Variants in MED26 observed in about 807,000 individuals in gnomAD.
MED26 encodes mediator complex subunit 26.
In MED26, 7 loss-of-function variants were observed where a neutral mutation model predicts 43.7. The observed-to-expected ratio is 0.16, with a 90% CI of 0.09 to 0.30. The LOEUF (loss-of-function observed/expected upper bound fraction) is 0.30. Ranked by LOEUF, MED26 falls within the 10% of genes least tolerant of loss-of-function variation. The pLI, the probability that MED26 is intolerant of heterozygous loss-of-function variation, is 1.00. For synonymous variants in MED26, 375 were observed against 371.1 expected (o/e 1.01, Z -0.12); for missense variants, 784 against 840.6 (o/e 0.93, Z 0.83).
intron 1 of MED26, among the ~76,000 whole-genome samples, chr19:16,598,272 G>A (rs1417808483): frequency 6.7e-6 from 1 of 149,354 alleles, no homozygotes; most frequent in Non-Finnish European, 1.5e-5. Flanking sequence ...GGGAGGCGCA[G>A]GCTGCAGTGA....
chr19:16,623,582 T>C (rs546237030), intron 1 of MED26, among the ~76,000 whole-genome samples: 1 of 152,278 alleles, frequency 6.6e-6, no homozygotes, highest in South Asian at 2.1e-4. Flanking sequence ...ACAGAGACCT[T>C]AAGATGTTCA....
At position 16,628,003 on chromosome 19, in the gene MED26, A is replaced by C. The variant is rs947657259; in HGVS notation, c.-60T>G. The C allele has an allele frequency of 9.0e-7, 1 of 1,114,140 alleles. No homozygotes were observed. Among genetic ancestry groups the C allele is most frequent in the South Asian group, 1.9e-5 (1 of 52,412 alleles). 69.0% of individuals were successfully genotyped at this position (1,114,140 alleles called of 1,614,324 possible). ...GCGGGCGGGCGGGCTGAGGCGGGGG[A>C]CGGGGGTCACTCACTCGCCGGCCTC... is the stretch of plus-strand genomic sequence containing the variant. On this transcript the variant is annotated 5_prime_UTR_variant, in exon 1 of 3. Transcript: ENST00000263390.
At chr19:16,624,760 C>A (rs2086266652) in intron 1 of MED26, 1 of 152,210 alleles carries the variant, frequency 6.6e-6, no homozygotes, top group African/African-American at 2.4e-5. Flanking sequence ...GTCACAAAGG[C>A]TTCTTGGTAA....
chr19:16,603,773 G>C (rs1030609694), intron 1 of MED26, among the ~76,000 whole-genome samples: 1 of 152,194 alleles, frequency 6.6e-6, no homozygotes, highest in Non-Finnish European at 1.5e-5. Flanking sequence ...AGGGGAGCTA[G>C]GGCATTAGGG....
At chr19:16,613,601 C>T (rs959415141) in intron 1 of MED26, among the ~76,000 whole-genome samples, 7 of 152,250 alleles carry the variant, frequency 4.6e-5, no homozygotes, top group South Asian at 4.2e-4. Context: ...GTGTTATCTC[C>T]GGATGAAAGC....
intron 1 of MED26, among the ~76,000 whole-genome samples, chr19:16,581,790 T>G (rs2122385283): frequency 6.6e-6 from 1 of 152,316 alleles, no homozygotes; most frequent in Admixed American, 6.5e-5. Flanking sequence ...CCTTGGCCCC[T>G]CCCCTGCCTT....
In MED26 at chr19:16,576,174, G is replaced by A. The variant is rs547090149; in HGVS notation, c.1656C>T (p.Leu552=). ...GCCACTGGCTGGCCTGGATTCTGTC[G>A]AGATCGTCCTGTGTGACCTCCCGGG... The part of the protein sequence containing the change: ...GLTREVTQDD[L]DRIQASQWPG... Residue 552 remains leucine (L), a synonymous_variant, in exon 3 of 3, where the codon CTC becomes CTT. Coordinates refer to ENST00000263390, the MANE Select transcript of MED26 (RefSeq NM_004831.5). This position sits in a 1 kb window ranked among gnomAD's most constrained non-coding sequence, Gnocchi z 6.8. 12 of 1,613,268 alleles carry A rather than the reference G, an allele frequency of 7.4e-6. No homozygotes were observed. Among genetic ancestry groups the A allele is most frequent in the Middle Eastern group, 1.6e-4 (1 of 6,084 alleles).
Position 16,587,130 on chromosome 19 carries a change from A to C in MED26, c.73-8721T>G, listed in dbSNP as rs2086074843. ...CCTCGCCCACCCCCCAACCCCCAAC[A>C]CACAGTCGTGTCTGCTGAGGACACA... On this transcript the variant is annotated intron_variant, in intron 1 of 2. Transcript: ENST00000263390. The surrounding 1 kb of genome is among the most constrained non-coding windows in gnomAD (Gnocchi z 4.9). 6.7e-6 allele frequency: 1 copy of C among 149,584 alleles called. No homozygotes were observed. The allele number at this position is 149,584 out of a possible 1,614,324, so 9.3% of individuals were successfully genotyped here. A position where few individuals can be genotyped will look rare whatever the true frequency, so the allele number is the denominator to read the frequency against.
At position 16,576,144 on chromosome 19, in the gene MED26, C is replaced by T. The variant is rs1568277932; in HGVS notation, c.1686G>A (p.Gly562=). ...CCTGTGTGTCCTGACACCCGTTCAC[C>T]CCCGGCCACTGGCTGGCCTGGATTC... ...LDRIQASQWP[G]VNGCQDTQGN... Residue 562 remains glycine (G), a synonymous_variant, in exon 3 of 3, where the codon GGG becomes GGA. Coordinates refer to ENST00000263390, the MANE Select transcript of MED26 (RefSeq NM_004831.5). The surrounding 1 kb of genome is among the most constrained non-coding windows in gnomAD (Gnocchi z 6.8). The T allele has an allele frequency of 3.7e-6, 6 of 1,613,938 alleles. No individual in the cohort carries two copies. The highest frequency in any genetic ancestry group is 5.1e-6 in the Non-Finnish European group (6 of 1,180,018).
At chr19:16,606,440 T>A (rs2086173603) in intron 1 of MED26, among the ~76,000 whole-genome samples, 2 of 152,038 alleles carry the variant, frequency 1.3e-5, no homozygotes. Context: ...TAATCCCAGC[T>A]ACTCAAGAGG....
intron 1 of MED26, among the ~76,000 whole-genome samples, chr19:16,622,324 C>T (rs1011524338): frequency 6.6e-6 from 1 of 152,198 alleles, no homozygotes; most frequent in Non-Finnish European, 1.5e-5. Flanking sequence ...CCCTATGAGG[C>T]GCCAAGCCCC....
At position 16,628,187 on chromosome 19, in the gene MED26, C is replaced by G. The variant is rs996819257; in HGVS notation, c.-244G>C. ...CCGCCGCCGCTCGCTGCCGCCGCCT[C>G]GAGAACCAAACTCCAGTGAGCTGCC... On this transcript the variant is annotated 5_prime_UTR_variant, in exon 1 of 3. Coordinates refer to ENST00000263390, the MANE Select transcript of MED26 (RefSeq NM_004831.5). 6.3e-5 allele frequency: 22 copies of G among 350,666 alleles called. No homozygotes were observed. Among genetic ancestry groups the G allele is most frequent in the African/African-American group, 8.6e-5 (4 of 46,384 alleles). The allele number at this position is 350,666 out of a possible 1,614,324, so 21.7% of individuals were successfully genotyped here.
chr19:16,579,092 C>A (rs1350018118), intron 1 of MED26, among the ~76,000 whole-genome samples: 2 of 152,034 alleles, frequency 1.3e-5, no homozygotes, highest in Non-Finnish European at 2.9e-5. Flanking sequence ...CAGAGCAAGA[C>A]TCCGTGTAAA....
In MED26 at chr19:16,576,498, C is replaced by A; in HGVS notation, c.1332G>T (p.Arg444=). 1 of 1,614,182 alleles carries A rather than the reference C, an allele frequency of 6.2e-7. No homozygotes were observed. Among genetic ancestry groups the A allele is most frequent in the Non-Finnish European group, 8.5e-7 (1 of 1,180,026 alleles). Residue 444 remains arginine (R), a synonymous_variant, in exon 3 of 3, where the codon CGG becomes CGT. Coordinates refer to ENST00000263390, the MANE Select transcript of MED26 (RefSeq NM_004831.5). This position sits in a 1 kb window ranked among gnomAD's most constrained non-coding sequence, Gnocchi z 6.8. ...IKPLTQKEPV[R]ADSPVHMEQQ... ...GCTCCATGTGCACAGGGCTGTCTGC[C>A]CGCACTGGCTCTTTCTGGGTCAGAG...
chr19:16,581,191 A>G (rs1261262517), intron 1 of MED26, among the ~76,000 whole-genome samples: 3 of 116,878 alleles, frequency 2.6e-5, no homozygotes. Flanking sequence ...CTTTGGCAAC[A>G]ACGGCCTTGC....
In MED26 at chr19:16,615,544, C is replaced by T. The variant is rs572769085; in HGVS notation, c.72+12328G>A. ...GGTGGATCACCTGAGGTCAGGAGTT[C>T]GAGACCAGCCTGGCCAACATGACAA... On this transcript the variant is annotated intron_variant, in intron 1 of 2. Coordinates refer to ENST00000263390, the MANE Select transcript of MED26 (RefSeq NM_004831.5). Among the ~76,000 whole-genome samples the T allele has an allele frequency of 6.6e-5, 10 of 152,188 alleles. No homozygotes were observed. In the East Asian group the frequency reaches 1.4e-3, roughly 21 times the overall value.
In MED26 at chr19:16,576,035, A is replaced by G. The variant is rs1205453331; in HGVS notation, c.1795T>C (p.Leu599=). The change falls in exon 3 of 3, where the codon TTG becomes CTG. Residue 599 remains leucine, a synonymous_variant. Transcript: ENST00000263390. The surrounding 1 kb of genome is among the most constrained non-coding windows in gnomAD (Gnocchi z 6.8). ...TGTGGCTGACAGGCCGGTCAGTCCA[A>G]GCAGACATAAGGCAGAATGTTCAAG... The part of the protein sequence containing the change: ...GRLNILPYVC[L]D 1 of 1,612,110 alleles carries G rather than the reference A, an allele frequency of 6.2e-7. No homozygotes were observed. Among genetic ancestry groups the G allele is most frequent in the East Asian group, 2.2e-5 (1 of 44,800 alleles).
At chr19:16,606,320 G>A (rs1180261104) in intron 1 of MED26, among the ~76,000 whole-genome samples, 1 of 152,202 alleles carries the variant, frequency 6.6e-6, no homozygotes, top group African/African-American at 2.4e-5. Context: ...GGAGGCTGAG[G>A]TGGGCGGATC....
Position 16,576,385 on chromosome 19 carries a change from C to A in MED26, c.1445G>T (p.Arg482Leu). 2 of 1,614,116 alleles carry A rather than the reference C, an allele frequency of 1.2e-6. No individual in the cohort carries two copies. Among genetic ancestry groups the A allele is most frequent in the South Asian group, 1.1e-5 (1 of 91,074 alleles). ...CAGGTAGGACTGGATGATCTCGTTGCGTGACAGCTCCTTCCAGTTCGTCTG... is the reference window on the plus strand; with the variant it reads ...CAGGTAGGACTGGATGATCTCGTTGAGTGACAGCTCCTTCCAGTTCGTCTG... ...FEQTNWKELS[R>L]NEIIQSYLSR... Residue 482 changes from arginine (R) to leucine (L), a missense_variant, in exon 3 of 3, where the codon CGC becomes CTC. Transcript: ENST00000263390. This position sits in a 1 kb window ranked among gnomAD's most constrained non-coding sequence, Gnocchi z 6.8.
Sources: allele counts gnomAD v4.1 joint callset (sites outside exome capture counted in the v4.1 genomes callset), GRCh38; gene constraint gnomAD v4.1.1; non-coding constraint Gnocchi (gnomAD v3.1); transcripts MANE v1.5; gene names NCBI Gene and HGNC (gene_info 2026-07-23, HGNC 2026-07-21).